GPC6: variants seen among roughly 807,000 people sequenced by gnomAD.
The protein encoded by GPC6 is glypican 6.
In GPC6, 14 loss-of-function variants were observed where a neutral mutation model predicts 55.2. The observed-to-expected ratio is 0.25, with a 90% CI of 0.17 to 0.40. The LOEUF (loss-of-function observed/expected upper bound fraction) is 0.40. Among genes scored for constraint, GPC6 ranks in the 10% least tolerant of loss-of-function variants. GPC6 has a pLI of 1.00. For missense variants in GPC6, 641 were observed against 708.5 expected, an observed-to-expected ratio of 0.90 and a Z score of 1.08; for synonymous variants, 278 against 259.6, an observed-to-expected ratio of 1.07 and a Z score of -0.68.
intron 4 of GPC6, among the ~76,000 whole-genome samples, chr13:94,081,784 C>G (rs1288946919): frequency 6.6e-6 from 1 of 151,732 alleles, no homozygotes; most frequent in East Asian, 1.9e-4. Context: ...CCGCACAGAT[C>G]CTGTCTACCT....
chr13:93,529,583 T>C (rs1881784016), intron 1 of GPC6, among the ~76,000 whole-genome samples: 1 of 139,468 alleles, frequency 7.2e-6, no homozygotes, highest in Admixed American at 7.5e-5. Flanking sequence ...TGGCACCATC[T>C]CGGCTCACTG....
At chr13:93,754,706 A>AG (rs1884711182) in intron 2 of GPC6, among the ~76,000 whole-genome samples, 2 of 152,082 alleles carry the variant, frequency 1.3e-5, no homozygotes, top group Admixed American at 1.3e-4. Flanking sequence ...TTTATTTAAA[A>AG]AAAAAAAACT....
chr13:93,348,296 C>T (rs1401391108), intron 1 of GPC6, among the ~76,000 whole-genome samples: 1 of 152,176 alleles, frequency 6.6e-6, no homozygotes, highest in Non-Finnish European at 1.5e-5. Flanking sequence ...TCCTTATAAA[C>T]AAGAGACTCA....
At chr13:94,021,763 A>C (rs1213797848) in intron 3 of GPC6, among the ~76,000 whole-genome samples, 1 of 152,126 alleles carries the variant, frequency 6.6e-6, no homozygotes, top group African/African-American at 2.4e-5. Flanking sequence ...CAATTACAAA[A>C]TAATAATGTA....
intron 2 of GPC6, among the ~76,000 whole-genome samples, chr13:93,727,369 A>G (rs1023834945): frequency 2.6e-5 from 4 of 151,984 alleles, no homozygotes; most frequent in Admixed American, 6.6e-5. Context: ...TGATTACACA[A>G]TCTCCCCACA....
At chr13:93,698,993 G>C (rs930245641) in intron 2 of GPC6, among the ~76,000 whole-genome samples, 1 of 152,094 alleles carries the variant, frequency 6.6e-6, no homozygotes, top group Non-Finnish European at 1.5e-5. Flanking sequence ...TAGGAGAACT[G>C]AAAAGCTAAA....
At chr13:93,921,639 T>A (rs1369428986) in intron 3 of GPC6, among the ~76,000 whole-genome samples, 1 of 151,624 alleles carries the variant, frequency 6.6e-6, no homozygotes, top group Non-Finnish European at 1.5e-5. Context: ...GTTGCACTGC[T>A]CTACTGTTCC....
chr13:93,271,164 G>A (rs1189171440), intron 1 of GPC6, among the ~76,000 whole-genome samples: 1 of 152,114 alleles, frequency 6.6e-6, no homozygotes, highest in Non-Finnish European at 1.5e-5. Context: ...GAGAGGCCTG[G>A]CGTATTCTAA....
chr13:93,870,271 CT>C (rs1294900274), intron 3 of GPC6, among the ~76,000 whole-genome samples: 5 of 151,796 alleles, frequency 3.3e-5, no homozygotes, highest in Non-Finnish European at 7.4e-5. Context: ...AGTGGTGTGG[CT>C]CATAGACATG....
intron 4 of GPC6, among the ~76,000 whole-genome samples, chr13:94,227,853 A>G (rs1204576985): frequency 6.6e-6 from 1 of 152,300 alleles, no homozygotes; most frequent in Non-Finnish European, 1.5e-5. Context: ...GAAAGAAAAC[A>G]ATGAAAGAGC....
chr13:94,019,619 A>G (rs953769019), intron 3 of GPC6, among the ~76,000 whole-genome samples: 1 of 152,044 alleles, frequency 6.6e-6, no homozygotes, highest in Non-Finnish European at 1.5e-5. Flanking sequence ...TGTGTCTCTG[A>G]GTGTCCTTTT....
chr13:93,539,665 A>C (rs1882207558), intron 1 of GPC6, among the ~76,000 whole-genome samples: 1 of 151,284 alleles, frequency 6.6e-6, no homozygotes, highest in South Asian at 2.1e-4. Flanking sequence ...GAAGTCCATC[A>C]TATTAGCCAA....
At chr13:94,382,252 G>T (rs555831302) in intron 6 of GPC6, among the ~76,000 whole-genome samples, 162 bp from the exon 7 acceptor site, 1 of 152,136 alleles carries the variant, frequency 6.6e-6, no homozygotes, top group Non-Finnish European at 1.5e-5. Context: ...AGGCTTTCCC[G>T]GGCAATAAAC....
chr13:93,331,903 T>A (rs1381013068), intron 1 of GPC6, among the ~76,000 whole-genome samples: 6 of 152,106 alleles, frequency 3.9e-5, no homozygotes, highest in Non-Finnish European at 8.8e-5. Flanking sequence ...AACATCCTAC[T>A]CTCTACCTCT....
chr13:93,346,724 A>G (rs546705288), intron 1 of GPC6, among the ~76,000 whole-genome samples: 1 of 152,324 alleles, frequency 6.6e-6, no homozygotes, highest in East Asian at 1.9e-4. Flanking sequence ...TGGACAGAAA[A>G]TGGAAACTGA....
rs569595536 is a variant in GPC6 at position 93,406,943 on chromosome 13, A to C, written c.161-138320A>C. On this transcript the variant is annotated intron_variant, in intron 1 of 8. Transcript: ENST00000377047. ...GAAAACTAAAGGGACATAGCAACAA[A>C]ATGTAATTTTTGATTTTATATTGGA... 2.6e-5 allele frequency among the ~76,000 whole-genome samples: 4 copies of C among 152,296 alleles called. No homozygotes were observed. The South Asian group carries it at 8.3e-4, about 32-fold the overall frequency.
At chr13:93,364,118 G>C (rs1881152813) in intron 1 of GPC6, among the ~76,000 whole-genome samples, 1 of 152,116 alleles carries the variant, frequency 6.6e-6, no homozygotes, top group African/African-American at 2.4e-5. Flanking sequence ...TTCTTTTGCT[G>C]TGCAGAAGCT....
chr13:94,113,045 T>C (rs146382656), intron 4 of GPC6, among the ~76,000 whole-genome samples: 1 of 152,178 alleles, frequency 6.6e-6, no homozygotes, highest in African/African-American at 2.4e-5. Flanking sequence ...AAAATGTTTT[T>C]TGAAAGAAAG....
At chr13:93,900,848 T>A (rs978452040) in intron 3 of GPC6, among the ~76,000 whole-genome samples, 4 of 152,154 alleles carry the variant, frequency 2.6e-5, no homozygotes, top group African/African-American at 9.7e-5. Flanking sequence ...GGATTGCAGT[T>A]AGCAAAGCAT....
Sources: gnomAD v4.1 joint callset for allele counts (sites outside exome capture counted in the v4.1 genomes callset) on GRCh38, gnomAD v4.1.1 for gene constraint, MANE v1.5 for transcripts, NCBI Gene and HGNC (gene_info 2026-07-23, HGNC 2026-07-21) for gene names.